RFTN1: variants seen among roughly 807,000 people sequenced by gnomAD.
The protein encoded by RFTN1 is raftlin.
Under a neutral mutation model 46.5 loss-of-function variants are expected in RFTN1, and 26 were observed. That is an observed-to-expected ratio of 0.56 (90% CI 0.41 to 0.78). The LOEUF (loss-of-function observed/expected upper bound fraction) is 0.78, where lower values mean the gene tolerates loss of function less well. RFTN1 is among the 30% of genes least tolerant of loss of function. RFTN1 has a pLI of 0.00. For missense variants in RFTN1, 693 were observed against 718.7 expected, an observed-to-expected ratio of 0.96 and a Z score of 0.41; for synonymous variants, 261 against 284.2, an observed-to-expected ratio of 0.92 and a Z score of 0.82.
rs563340690 is a variant in RFTN1, at chr3:16,498,411, A to G, written c.-8-4534T>C. ...AGGATGTGTTTCAGGCAGGTCACTGAACCTGTTCTGGTTCTGAGGCTGCCC... is the reference window on the plus strand; with the variant it reads ...AGGATGTGTTTCAGGCAGGTCACTGGACCTGTTCTGGTTCTGAGGCTGCCC... On this transcript the variant is annotated intron_variant, in intron 1 of 9. Transcript: ENST00000334133. This position sits in a 1 kb window ranked among gnomAD's most constrained non-coding sequence, Gnocchi z 5.2. Among the ~76,000 whole-genome samples, 3 of 152,350 alleles carry G rather than the reference A, an allele frequency of 2.0e-5. No individual in the cohort carries two copies. In the East Asian group the frequency reaches 5.8e-4, roughly 29 times the overall value.
chr3:16,353,518 G>A lies in RFTN1; in HGVS notation c.1146+4414C>T, dbSNP rs953477349. On this transcript the variant is annotated intron_variant, in intron 7 of 9. Transcript: ENST00000334133. This position sits in a 1 kb window ranked among gnomAD's most constrained non-coding sequence, Gnocchi z 5.4. ...CCACACCAGCAGCAGCAGCTCACTT[G>A]AAAATGTTTTAGAAATGAAAATTCT... Among the ~76,000 whole-genome samples the A allele has an allele frequency of 6.6e-6, 1 of 152,178 alleles. No individual in the cohort carries two copies. The highest frequency in any genetic ancestry group is 1.5e-5 in the Non-Finnish European group (1 of 68,030).
chr3:16,358,039 G>T lies in RFTN1; in HGVS notation c.1039C>A (p.His347Asn). The T allele has an allele frequency of 1.0e-6, 1 of 960,674 alleles. No homozygotes were observed. Among genetic ancestry groups the T allele is most frequent in the Non-Finnish European group, 1.6e-6 (1 of 641,280 alleles). 59.5% of individuals were successfully genotyped at this position (960,674 alleles called of 1,614,324 possible). A position where few individuals can be genotyped will look rare whatever the true frequency, so the allele number is the denominator to read the frequency against. The change falls in exon 7 of 10, where the codon CAT becomes AAT. Residue 347 changes from histidine (H) to asparagine (N), a missense_variant. Transcript: ENST00000334133. ...FYLGIVNDSL[H>N]GLTDGVFIFE... The stretch of plus-strand genomic sequence containing the variant: ...ATGAATACTCCATCTGTCAAGCCAT[G>T]TAAGGAATCTGTGGAAAAAGAAAAA...
chr3:16,357,136 A>C (rs766571627), intron 7 of RFTN1, among the ~76,000 whole-genome samples: 82 of 39,714 alleles, frequency 2.1e-3, no homozygotes, highest in Non-Finnish European at 4.1e-3. Flanking sequence ...AAACAAAAAA[A>C]CAAACAAACA....
Position 16,327,793 on chromosome 3 carries a change from C to A in RFTN1, c.1147-917G>T, listed in dbSNP as rs543504907. Among the ~76,000 whole-genome samples, 1 of 151,932 alleles carries A rather than the reference C, an allele frequency of 6.6e-6. No individual in the cohort carries two copies. Among genetic ancestry groups the A allele is most frequent in the East Asian group, 2.0e-4 (1 of 5,092 alleles). On this transcript the variant is annotated intron_variant, in intron 7 of 9. Coordinates refer to ENST00000334133, the MANE Select transcript of RFTN1 (RefSeq NM_015150.2). The surrounding 1 kb of genome is among the most constrained non-coding windows in gnomAD (Gnocchi z 4.2). ...AAAAACAAAACGAAAAAAACTTCAG[C>A]CCCCTGCTAGCACAGGGAGAGAGCC...
intron 4 of RFTN1, among the ~76,000 whole-genome samples, chr3:16,399,267 T>C (rs1322458704): frequency 6.6e-6 from 1 of 152,094 alleles, no homozygotes; most frequent in Non-Finnish European, 1.5e-5. Flanking sequence ...CATCTTAAAA[T>C]TTTAAATTTT....
intron 4 of RFTN1, among the ~76,000 whole-genome samples, chr3:16,393,963 T>C (rs2074411704): frequency 6.6e-6 from 1 of 151,884 alleles, no homozygotes; most frequent in South Asian, 2.1e-4. Flanking sequence ...CCGGCCAGAC[T>C]TTTTTTTAAG....
chr3:16,448,948 T>A lies in RFTN1; in HGVS notation c.146-14911A>T, dbSNP rs555998759. On this transcript the variant is annotated intron_variant, in intron 2 of 9. Coordinates refer to ENST00000334133, the MANE Select transcript of RFTN1 (RefSeq NM_015150.2). This position sits in a 1 kb window ranked among gnomAD's most constrained non-coding sequence, Gnocchi z 4.1. Reference sequence around the variant, plus strand: ...GTTGGTTGTGTTGAGTCCCTGGAAATGCTTTGTACTGAATTTTCCAGATGA... The same window carrying A: ...GTTGGTTGTGTTGAGTCCCTGGAAAAGCTTTGTACTGAATTTTCCAGATGA... Among the ~76,000 whole-genome samples, 1 of 152,286 alleles carries A rather than the reference T, an allele frequency of 6.6e-6. No individual in the cohort carries two copies. Among genetic ancestry groups the A allele is most frequent in the African/African-American group, 2.4e-5 (1 of 41,554 alleles).
intron 1 of RFTN1, among the ~76,000 whole-genome samples, chr3:16,508,930 C>T (rs560278864): frequency 1.7e-4 from 26 of 152,296 alleles, no homozygotes; most frequent in Admixed American, 8.5e-4. Context: ...ACTAACCACA[C>T]GTGGCTCTGG....
At chr3:16,435,657 T>A (rs1002977059) in intron 2 of RFTN1, among the ~76,000 whole-genome samples, 3 of 152,170 alleles carry the variant, frequency 2.0e-5, no homozygotes, top group African/African-American at 7.2e-5. Context: ...CATTCTTTTC[T>A]ACAGATCCAT....
At position 16,356,263 on chromosome 3, in the gene RFTN1, T is replaced by C. The variant is rs1046478730; in HGVS notation, c.1146+1669A>G. Among the ~76,000 whole-genome samples, 1 of 152,148 alleles carries C rather than the reference T, an allele frequency of 6.6e-6. No homozygotes were observed. The highest frequency in any genetic ancestry group is 2.4e-5 in the African/African-American group (1 of 41,430). On this transcript the variant is annotated intron_variant, in intron 7 of 9. Coordinates refer to ENST00000334133, the MANE Select transcript of RFTN1 (RefSeq NM_015150.2). The surrounding 1 kb of genome is among the most constrained non-coding windows in gnomAD (Gnocchi z 4.9). Reference sequence around the variant, plus strand: ...CATTTCTAGTTAGGAGCATGGACCCTGGAGAGACCATGGGCAGCAGGGTCA... The same window carrying C: ...CATTTCTAGTTAGGAGCATGGACCCCGGAGAGACCATGGGCAGCAGGGTCA...
Position 16,322,554 on chromosome 3 carries a change from T to G in RFTN1, c.1332+822A>C, listed in dbSNP as rs941806162. On this transcript the variant is annotated intron_variant, in intron 9 of 9. Coordinates refer to ENST00000334133, the MANE Select transcript of RFTN1 (RefSeq NM_015150.2). This position sits in a 1 kb window ranked among gnomAD's most constrained non-coding sequence, Gnocchi z 6.2. ...ATCCAGGTGATGCCTGACTCAGGCT[T>G]TGGTGTGTCCACTCGACTCACTGGC... Among the ~76,000 whole-genome samples, 3 of 152,156 alleles carry G rather than the reference T, an allele frequency of 2.0e-5. No individual in the cohort carries two copies. The highest frequency in any genetic ancestry group is 7.2e-5 in the African/African-American group (3 of 41,440).
intron 4 of RFTN1, among the ~76,000 whole-genome samples, chr3:16,395,375 C>T (rs2074443081): frequency 6.6e-6 from 1 of 151,932 alleles, no homozygotes; most frequent in South Asian, 2.1e-4. Flanking sequence ...AATATGCTGT[C>T]CAAGATAGTA....
rs1360649040 is a variant in RFTN1 at position 16,474,936 on chromosome 3, C to G, written c.145+18789G>C. Reference sequence around the variant, plus strand: ...CTAGTGATATGGTTTGGATATTTGTCCCCTCCAAATCTCATATTGATATTT... The same window carrying G: ...CTAGTGATATGGTTTGGATATTTGTGCCCTCCAAATCTCATATTGATATTT... On this transcript the variant is annotated intron_variant, in intron 2 of 9. Transcript: ENST00000334133. The surrounding 1 kb of genome is among the most constrained non-coding windows in gnomAD (Gnocchi z 5.5). Among the ~76,000 whole-genome samples, 2 of 152,184 alleles carry G rather than the reference C, an allele frequency of 1.3e-5. No homozygotes were observed.
chr3:16,480,328 C>G lies in RFTN1; in HGVS notation c.145+13397G>C, dbSNP rs1384870595. ...GATGCCCAAGTGAAATAATCCCTTC[C>G]CTCTTTTAAGAGGGCCCAATGAGGC... is the stretch of plus-strand genomic sequence containing the variant. On this transcript the variant is annotated intron_variant, in intron 2 of 9. Transcript: ENST00000334133. The surrounding 1 kb of genome is among the most constrained non-coding windows in gnomAD (Gnocchi z 4.3). Among the ~76,000 whole-genome samples the G allele has an allele frequency of 6.6e-6, 1 of 152,192 alleles. No individual in the cohort carries two copies. The highest frequency in any genetic ancestry group is 1.5e-5 in the Non-Finnish European group (1 of 68,032).
rs555134356 is a variant in RFTN1, at chr3:16,388,421, C to T, written c.442-10319G>A. Among the ~76,000 whole-genome samples, 7 of 152,360 alleles carry T rather than the reference C, an allele frequency of 4.6e-5. No homozygotes were observed. In the East Asian group the frequency reaches 1.3e-3, roughly 29 times the overall value. On this transcript the variant is annotated intron_variant, in intron 4 of 9. Coordinates refer to ENST00000334133, the MANE Select transcript of RFTN1 (RefSeq NM_015150.2). ...ATCTGAGGTTACCCCCAAGTGGAAA[C>T]ATCTATGAGTCTACAATTTCAGGAA...
In RFTN1 at chr3:16,322,965, A is replaced by G. The variant is rs140496080; in HGVS notation, c.1332+411T>C. Among the ~76,000 whole-genome samples, 870 of 152,298 alleles carry G rather than the reference A, an allele frequency of 5.7e-3. 7 individuals are homozygous for G. Among genetic ancestry groups the G allele is most frequent in the African/African-American group, 0.02 (821 of 41,564 alleles). ...CCCCACACTTTTAATGTCCTAAGGA[A>G]TCTTAACAGGGCAGGCCAGAGCTCC... On this transcript the variant is annotated intron_variant, in intron 9 of 9. Coordinates refer to ENST00000334133, the MANE Select transcript of RFTN1 (RefSeq NM_015150.2). The surrounding 1 kb of genome is among the most constrained non-coding windows in gnomAD (Gnocchi z 6.2).
In RFTN1 at chr3:16,327,376, T is replaced by TA. The variant is rs764758386; in HGVS notation, c.1147-501dup. On this transcript the variant is annotated intron_variant, in intron 7 of 9. Transcript: ENST00000334133. The surrounding 1 kb of genome is among the most constrained non-coding windows in gnomAD (Gnocchi z 4.2). ...CACGCAGAAGCTGCTTTGCCTGTGT[T>TA]ATGTGCCCTGCCTTGCAGGGATAAA... Among the ~76,000 whole-genome samples the TA allele has an allele frequency of 5.3e-5, 8 of 152,194 alleles. No individual in the cohort carries two copies. The highest frequency in any genetic ancestry group is 1.0e-4 in the Non-Finnish European group (7 of 68,016).
chr3:16,397,786 CTCTCTCTCTT>C (rs1170490152), intron 4 of RFTN1, among the ~76,000 whole-genome samples: 1 of 106,754 alleles, frequency 9.4e-6, no homozygotes, highest in Admixed American at 1.0e-4. Context: ...CTCTCCCTCT[CTCTCTCTCTT>C]TCTTTTTTCT....
chr3:16,482,640 A>T, intron 2 of RFTN1: 1 of 1,013,014 alleles, frequency 9.9e-7, no homozygotes, highest in Non-Finnish European at 1.5e-6. Flanking sequence ...TTGTTTCCTC[A>T]TTTGTAAAAT....
Sources: allele counts gnomAD v4.1 joint callset (sites outside exome capture counted in the v4.1 genomes callset), GRCh38; gene constraint gnomAD v4.1.1; non-coding constraint Gnocchi (gnomAD v3.1); transcripts MANE v1.5; gene names NCBI Gene and HGNC (gene_info 2026-07-23, HGNC 2026-07-21).